Variants in DCDC2C observed in about 807,000 individuals in gnomAD.
The protein encoded by DCDC2C is doublecortin domain containing 2C, also known as doublecortin domain-containing protein 2C.
In DCDC2C, 44 loss-of-function variants were observed where a neutral mutation model predicts 45.0. That is an observed-to-expected ratio of 0.98 (90% confidence interval 0.77 to 1.26). DCDC2C has a LOEUF of 1.26. Ranked by LOEUF, DCDC2C falls within the 50% of genes most tolerant of loss-of-function variation. The pLI, the probability that DCDC2C is intolerant of heterozygous loss-of-function variation, is 0.00. For missense variants in DCDC2C, 447 were observed against 468.9 expected (o/e 0.95, Z 0.43); for synonymous variants, 187 against 178.8 (o/e 1.05, Z -0.37).
intron 10 of DCDC2C, among the ~76,000 whole-genome samples, chr2:3,835,651 A>C (rs969487922): frequency 6.6e-6 from 1 of 152,248 alleles, no homozygotes; most frequent in Non-Finnish European, 1.5e-5. Context: ...TCGAGGTTTT[A>C]GTCCCACTAA....
At chr2:3,840,801 G>A (rs910459319) in intron 10 of DCDC2C, among the ~76,000 whole-genome samples, 3 of 152,200 alleles carry the variant, frequency 2.0e-5, no homozygotes, top group Non-Finnish European at 2.9e-5. Flanking sequence ...TGTAGGGCAC[G>A]GTGCGGGTGG....
At chr2:3,816,006 T>C (rs572626862) in intron 10 of DCDC2C, among the ~76,000 whole-genome samples, 11 of 148,752 alleles carry the variant, frequency 7.4e-5, no homozygotes, top group African/African-American at 2.4e-4. Flanking sequence ...AAATTTTTTT[T>C]GGGTGGTATG....
At chr2:3,721,627 T>G (rs1408388101) in intron 2 of DCDC2C, among the ~76,000 whole-genome samples, 1 of 152,188 alleles carries the variant, frequency 6.6e-6, no homozygotes, top group Admixed American at 6.5e-5. Flanking sequence ...AATCTTATCT[T>G]GTAACTTCTA....
At chr2:3,841,629 G>A (rs1414211134) in intron 10 of DCDC2C, among the ~76,000 whole-genome samples, 1 of 152,204 alleles carries the variant, frequency 6.6e-6, no homozygotes, top group Non-Finnish European at 1.5e-5. Flanking sequence ...AAACAAAGAT[G>A]AGTAAACGCA....
At chr2:3,814,307 T>G (rs1671500428) in intron 10 of DCDC2C, among the ~76,000 whole-genome samples, 1 of 152,202 alleles carries the variant, frequency 6.6e-6, no homozygotes, top group African/African-American at 2.4e-5. Context: ...TTCCACTTGG[T>G]CAATTTGGCT....
intron 10 of DCDC2C, among the ~76,000 whole-genome samples, chr2:3,835,996 G>T (rs1035189272): frequency 6.6e-6 from 1 of 152,062 alleles, no homozygotes; most frequent in East Asian, 1.9e-4. Context: ...CTTTTACCTT[G>T]ACCTCCCAAA....
intron 10 of DCDC2C, among the ~76,000 whole-genome samples, chr2:3,830,398 G>A (rs1671921872): frequency 6.6e-6 from 1 of 152,112 alleles, no homozygotes; most frequent in Admixed American, 6.6e-5. Context: ...AGGAGAGCAA[G>A]CACTGGGCCT....
At chr2:3,752,378 A>G (rs1669566154) in intron 4 of DCDC2C, among the ~76,000 whole-genome samples, 1 of 152,242 alleles carries the variant, frequency 6.6e-6, no homozygotes, top group Admixed American at 6.5e-5. Flanking sequence ...ATAAAAATGC[A>G]TATTATTTGC....
intron 10 of DCDC2C, among the ~76,000 whole-genome samples, chr2:3,797,086 G>A (rs1019112272): frequency 6.6e-6 from 1 of 152,108 alleles, no homozygotes; most frequent in Non-Finnish European, 1.5e-5. Context: ...CTTCTTCCTG[G>A]TTTAGTCTTG....
intron 6 of DCDC2C, among the ~76,000 whole-genome samples, chr2:3,767,269 C>G (rs1484724050): frequency 6.6e-6 from 1 of 152,194 alleles, no homozygotes; most frequent in East Asian, 1.9e-4. Context: ...TGAGTTCTCC[C>G]TTATTGCAAC....
intron 4 of DCDC2C, among the ~76,000 whole-genome samples, chr2:3,746,774 G>A (rs182880605): frequency 6.6e-6 from 1 of 152,340 alleles, no homozygotes; most frequent in East Asian, 1.9e-4. Flanking sequence ...CTGGGGCTGA[G>A]CCAGTGAGAC....
chr2:3,767,969 A>G (rs1670060681), intron 7 of DCDC2C, 89 bp downstream of exon 7: 2 of 1,290,950 alleles, frequency 1.5e-6, no homozygotes, highest in Non-Finnish European at 2.0e-6. Context: ...GAAATCTTAT[A>G]CTCCAGAAAT....
At chr2:3,748,967 T>C (rs745719461) in intron 4 of DCDC2C, among the ~76,000 whole-genome samples, 2 of 152,224 alleles carry the variant, frequency 1.3e-5, no homozygotes, top group South Asian at 4.1e-4. Context: ...TTTGAAGCCT[T>C]AGCTGAAAAT....
At chr2:3,712,473 A>G (rs980181937) in intron 2 of DCDC2C, among the ~76,000 whole-genome samples, 6 of 145,356 alleles carry the variant, frequency 4.1e-5, no homozygotes, top group African/African-American at 7.9e-5. Context: ...CTAGACCAGC[A>G]AGACCCTATC....
chr2:3,713,028 A>C (rs1362025771), intron 2 of DCDC2C, among the ~76,000 whole-genome samples: 1 of 152,188 alleles, frequency 6.6e-6, no homozygotes, highest in Non-Finnish European at 1.5e-5. Context: ...TAAAGAGTTC[A>C]AGAAAGGTTA....
At chr2:3,748,398 C>T (rs1350017968) in intron 4 of DCDC2C, among the ~76,000 whole-genome samples, 5 of 102,074 alleles carry the variant, frequency 4.9e-5, no homozygotes, top group Non-Finnish European at 1.0e-4. Flanking sequence ...GGAGGTGATG[C>T]GGGAGGGGAG....
At chr2:3,726,336 C>G (rs1036662101) in intron 2 of DCDC2C, among the ~76,000 whole-genome samples, 1 of 152,066 alleles carries the variant, frequency 6.6e-6, no homozygotes, top group Non-Finnish European at 1.5e-5. Context: ...CAGAGCTCCC[C>G]CCATTTGCTT....
chr2:3,805,413 A>G (rs1390205818), intron 10 of DCDC2C, among the ~76,000 whole-genome samples: 5 of 152,204 alleles, frequency 3.3e-5, no homozygotes, highest in Admixed American at 1.3e-4. Flanking sequence ...TCTCATTGCC[A>G]TACTGAGTCG....
At chr2:3,842,655 ATC>A (rs1672244098) in intron 10 of DCDC2C, among the ~76,000 whole-genome samples, 3 of 151,392 alleles carry the variant, frequency 2.0e-5, no homozygotes, top group African/African-American at 7.3e-5. Flanking sequence ...AAAAAAAAAA[ATC>A]AATTCCAAAT....
Sources: gnomAD v4.1 joint callset for allele counts (sites outside exome capture counted in the v4.1 genomes callset) on GRCh38, gnomAD v4.1.1 for gene constraint, MANE v1.5 for transcripts, NCBI Gene and HGNC (gene_info 2026-07-23, HGNC 2026-07-21) for gene names.